Variants in PPL observed in about 807,000 individuals in gnomAD.
PPL encodes periplakin, also known as 190 kDa paraneoplastic pemphigus antigen.
A neutral mutation model predicts 194.4 loss-of-function variants in PPL; 198 were observed. The ratio of observed to expected loss-of-function variants is 1.02; its 90% CI spans 0.91 to 1.15. The LOEUF is 1.15. Among genes scored for constraint, PPL ranks in the 50% most tolerant of loss-of-function variants. The pLI, the probability that PPL is intolerant of heterozygous loss-of-function variation, is 0.00. For synonymous variants in PPL, 1,220 were observed against 972.4 expected (o/e 1.25, Z -4.74); for missense variants, 2,885 against 2,294.8 (o/e 1.26, Z -5.25).
At chr16:4,922,677 A>AAAAC (rs749565044) in intron 1 of PPL, among the ~76,000 whole-genome samples, 5 of 152,002 alleles carry the variant, frequency 3.3e-5, no homozygotes, top group African/African-American at 9.7e-5. Flanking sequence ...AAAACAAAAC[A>AAAAC]AAAAAACCCT....
rs1486957545 is a variant in PPL, at chr16:4,885,372, G to C, written c.3283C>G (p.Gln1095Glu). The C allele has an allele frequency of 6.2e-7, 1 of 1,612,676 alleles. No homozygotes were observed. The highest frequency in any genetic ancestry group is 1.3e-5 in the African/African-American group (1 of 74,824). Residue 1095 changes from glutamine (Q) to glutamate (E), a missense_variant, in exon 22 of 22, where the codon CAG becomes GAG. Transcript: ENST00000345988. The surrounding 1 kb of genome is among the most constrained non-coding windows in gnomAD (Gnocchi z 6.3). ...EKQEEELSFL[Q>E]DKLKRLEKER... ...TTCTCTAGCCTCTTGAGCTTGTCCT[G>C]GAGGAAGCTCAGCTCCTCCTCCTGC...
rs776192268 is a variant in PPL at position 4,885,285 on chromosome 16, C to T, written c.3370G>A (p.Ala1124Thr). Residue 1124 changes from alanine to threonine, a missense_variant, in exon 22 of 22, where the codon GCG becomes ACG. By Grantham distance (58) the Ala-to-Thr change is moderately conservative. Transcript: ENST00000345988. The surrounding 1 kb of genome is among the most constrained non-coding windows in gnomAD (Gnocchi z 6.3). ...TCGCTGACCTCCCTCTCGGTGGCCG[C>T]GTCCTTCTCCACCTTGAGCACCTCC... ...VKEVLKVEKD[A>T]ATEREVSDLT... 3.7e-6 allele frequency: 6 copies of T among 1,609,038 alleles called. No individual in the cohort carries two copies. In the East Asian group the frequency reaches 6.7e-5, roughly 18 times the overall value.
intron 19 of PPL, 108 bp downstream of exon 19, chr16:4,888,870 C>CG: frequency 9.0e-7 from 1 of 1,110,266 alleles, no homozygotes; most frequent in Non-Finnish European, 1.4e-6. Flanking sequence ...CTCGGATGGC[C>CG]AGCTCCACCC....
intron 4 of PPL, 65 bp from the exon 5 acceptor site, chr16:4,901,154 C>T (rs915557361): frequency 1.1e-5 from 18 of 1,572,742 alleles, no homozygotes; most frequent in Admixed American, 1.8e-5. Context: ...GTGTGGCCAC[C>T]CCAGGAGCCT....
At chr16:4,928,911 T>G (rs1413595970) in intron 1 of PPL, among the ~76,000 whole-genome samples, 2 of 146,750 alleles carry the variant, frequency 1.4e-5, no homozygotes. Context: ...CTTGGGAGGC[T>G]GAGGCAGGAG....
chr16:4,908,445 T>TCTCACA (rs138719548), intron 2 of PPL, among the ~76,000 whole-genome samples: 34 of 151,376 alleles, frequency 2.2e-4, no homozygotes, highest in African/African-American at 6.8e-4. Flanking sequence ...TCTCTCTCTC[T>TCTCACA]CACACACATA....
At chr16:4,926,298 A>G (rs1476260837) in intron 1 of PPL, among the ~76,000 whole-genome samples, 1 of 152,192 alleles carries the variant, frequency 6.6e-6, no homozygotes, top group African/African-American at 2.4e-5. Flanking sequence ...AGTAATTGCC[A>G]AATAAATTTT....
chr16:4,928,369 A>G (rs980514060), intron 1 of PPL, among the ~76,000 whole-genome samples: 3 of 152,210 alleles, frequency 2.0e-5, no homozygotes, highest in African/African-American at 7.2e-5. Context: ...GTGCCCGGCC[A>G]TCTCAGCAGT....
At chr16:4,925,291 A>G (rs1057256002) in intron 1 of PPL, among the ~76,000 whole-genome samples, 22 of 152,066 alleles carry the variant, frequency 1.4e-4, no homozygotes, top group Non-Finnish European at 2.9e-4. Context: ...CTCTGCCCCT[A>G]CCTTCTTTAA....
chr16:4,911,158 T>A (rs891785804), intron 1 of PPL, among the ~76,000 whole-genome samples: 5 of 35,528 alleles, frequency 1.4e-4, no homozygotes, highest in African/African-American at 4.1e-4. Context: ...TCAGCCTCCT[T>A]TTTTTTTTTT....
At position 4,884,430 on chromosome 16, in the gene PPL, C is replaced by G. The variant is rs779568067; in HGVS notation, c.4225G>C (p.Glu1409Gln). 6.2e-7 allele frequency: 1 copy of G among 1,602,958 alleles called. No individual in the cohort carries two copies. ...TCGGCCTCCCTGCGGGCCTGCCGCT[C>G]GCGCTCTAGCTCCTCCAGCTGCCGC... ...LERQLEELER[E>Q]RQARREAERE... The change falls in exon 22 of 22, where the codon GAG (glutamate) becomes CAG (glutamine). Residue 1409 changes from glutamate to glutamine, a missense_variant. Transcript: ENST00000345988. This position sits in a 1 kb window ranked among gnomAD's most constrained non-coding sequence, Gnocchi z 5.7.
intron 4 of PPL, 118 bp from the exon 5 acceptor site, chr16:4,901,207 C>T (rs1370955242): frequency 4.0e-5 from 46 of 1,159,940 alleles, no homozygotes; most frequent in Non-Finnish European, 5.0e-5. Context: ...CGGGGCCCTG[C>T]AGAGCCACAA....
rs1352815259 is a variant in PPL at position 4,885,492 on chromosome 16, T to C, written c.3163A>G (p.Lys1055Glu). 1.2e-6 allele frequency: 2 copies of C among 1,611,966 alleles called. No homozygotes were observed. Among genetic ancestry groups the C allele is most frequent in the Non-Finnish European group, 1.7e-6 (2 of 1,179,918 alleles). The change falls in exon 22 of 22, where the codon AAA (lysine) becomes GAA (glutamate). Residue 1055 changes from lysine to glutamate, a missense_variant. Lys to Glu is a moderately conservative substitution (Grantham distance 56). Coordinates refer to ENST00000345988, the MANE Select transcript of PPL (RefSeq NM_002705.5). The surrounding 1 kb of genome is among the most constrained non-coding windows in gnomAD (Gnocchi z 6.3). Reference sequence around the variant, plus strand: ...TCATTCTGCAGTTTCACCACCTCTTTCTCTGTGACCTTCTCCTGCGCCCGG... The same window carrying C: ...TCATTCTGCAGTTTCACCACCTCTTCCTCTGTGACCTTCTCCTGCGCCCGG... ...KSRAQEKVTE[K>E]EVVKLQNDPQ...
At position 4,884,878 on chromosome 16, in the gene PPL, G is replaced by A. The variant is rs868045489; in HGVS notation, c.3777C>T (p.Thr1259=). The A allele has an allele frequency of 6.2e-7, 1 of 1,614,084 alleles. No homozygotes were observed. Residue 1259 remains threonine, a synonymous_variant, in exon 22 of 22, where the codon ACC becomes ACT. Coordinates refer to ENST00000345988, the MANE Select transcript of PPL (RefSeq NM_002705.5). The surrounding 1 kb of genome is among the most constrained non-coding windows in gnomAD (Gnocchi z 5.7). ...QRLREEIVDK[T]RLIERCDLEI... ...CTAAATCACACCTTTCGATCAGTCT[G>A]GTCTTGTCCACGATCTCCTCCCTGA...
In PPL at chr16:4,888,257, C is replaced by G. The variant is rs555017728; in HGVS notation, c.2398-39G>C. Reference sequence around the variant, plus strand: ...AGACATGGCAGAGGGGAGATTAAAACAGCTGAGAAGAGACAGACATGTTCC... The same window carrying G: ...AGACATGGCAGAGGGGAGATTAAAAGAGCTGAGAAGAGACAGACATGTTCC... On this transcript the variant is annotated intron_variant, in intron 19 of 21. Coordinates refer to ENST00000345988, the MANE Select transcript of PPL (RefSeq NM_002705.5). 2.6e-5 allele frequency: 37 copies of G among 1,424,846 alleles called. 1 individual carries two copies. In the South Asian group the frequency reaches 4.1e-4, roughly 16 times the overall value. 88.3% of individuals were successfully genotyped at this position (1,424,846 alleles called of 1,614,324 possible).
rs577315000 is a variant in PPL at position 4,904,884 on chromosome 16, G to T, written c.163-844C>A. The stretch of plus-strand genomic sequence containing the variant: ...CACCAGCAAGAAGGAACAGAGCCGG[G>T]GGGATATCTGGAAGGGGCCGTCGAT... On this transcript the variant is annotated intron_variant, in intron 2 of 21. Coordinates refer to ENST00000345988, the MANE Select transcript of PPL (RefSeq NM_002705.5). Among the ~76,000 whole-genome samples, 4 of 152,326 alleles carry T rather than the reference G, an allele frequency of 2.6e-5. No individual in the cohort carries two copies. In the South Asian group the frequency reaches 8.3e-4, roughly 32 times the overall value.
At chr16:4,910,523 G>A (rs1381187505) in intron 2 of PPL, among the ~76,000 whole-genome samples, 2 of 152,054 alleles carry the variant, frequency 1.3e-5, no homozygotes, top group Non-Finnish European at 2.9e-5. Flanking sequence ...TTTCCACAGG[G>A]CCCAGGAAGA....
At chr16:4,917,067 G>A (rs2088934086) in intron 1 of PPL, among the ~76,000 whole-genome samples, 1 of 152,038 alleles carries the variant, frequency 6.6e-6, no homozygotes, top group Middle Eastern at 3.2e-3. Context: ...GGGAGGCGGA[G>A]GTTGCAATGA....
intron 8 of PPL, 93 bp downstream of exon 8, chr16:4,898,920 G>C: frequency 1.0e-6 from 1 of 985,166 alleles, no homozygotes; most frequent in Non-Finnish European, 1.6e-6. Context: ...AGGACCCCCA[G>C]CTCCGGGGTC....
Sources: allele counts gnomAD v4.1 joint callset (sites outside exome capture counted in the v4.1 genomes callset), GRCh38; gene constraint gnomAD v4.1.1; non-coding constraint Gnocchi (gnomAD v3.1); transcripts MANE v1.5; gene names NCBI Gene and HGNC (gene_info 2026-07-23, HGNC 2026-07-21).